ZNRF2: variants seen among roughly 807,000 people sequenced by gnomAD.
ZNRF2 encodes the protein E3 ubiquitin-protein ligase ZNRF2.
In ZNRF2, 16 loss-of-function variants were observed where a neutral mutation model predicts 20.4. The ratio of observed to expected loss-of-function variants is 0.79; its 90% CI spans 0.53 to 1.19. The LOEUF (loss-of-function observed/expected upper bound fraction) is 1.19, where lower values mean the gene tolerates loss of function less well. ZNRF2 is among the 50% of genes most tolerant of loss of function. The pLI is 0.00. For synonymous variants in ZNRF2, 178 were observed against 144.9 expected (o/e 1.23, Z -1.64); for missense variants, 363 against 332.4 (o/e 1.09, Z -0.72).
chr7:30,332,931 T>C (rs1799658119), intron 2 of ZNRF2, among the ~76,000 whole-genome samples: 1 of 152,114 alleles, frequency 6.6e-6, no homozygotes, highest in South Asian at 2.1e-4. Flanking sequence ...GTAGTACTGG[T>C]TTTAGTTTTT....
intron 2 of ZNRF2, among the ~76,000 whole-genome samples, chr7:30,344,491 TAA>T (rs1043671489): frequency 2.3e-4 from 35 of 152,158 alleles, no homozygotes; most frequent in African/African-American, 8.2e-4. Context: ...TTTATACTAT[TAA>T]GTTTTTTTTG....
intron 2 of ZNRF2, among the ~76,000 whole-genome samples, chr7:30,336,771 A>T (rs982598903): frequency 2.0e-5 from 3 of 152,084 alleles, no homozygotes; most frequent in African/African-American, 7.2e-5. Context: ...AAATGTTTTG[A>T]TGTTTTCTGT....
chr7:30,316,288 CAAAAAAAAAAAAAAAAA>C (rs60218988), intron 1 of ZNRF2, among the ~76,000 whole-genome samples: 9 of 27,502 alleles, frequency 3.3e-4, no homozygotes, highest in South Asian at 7.3e-3. Context: ...AACTCCATCT[CAAAAAAAAAAAAAAAAA>C]AAAAAAAAAA....
At chr7:30,350,669 T>G (rs1392575818) in intron 2 of ZNRF2, among the ~76,000 whole-genome samples, 1 of 152,056 alleles carries the variant, frequency 6.6e-6, no homozygotes, top group Non-Finnish European at 1.5e-5. Context: ...TGAAAGTATT[T>G]ATTATTAAAA....
intron 1 of ZNRF2, among the ~76,000 whole-genome samples, chr7:30,312,614 G>A (rs1799308870): frequency 6.6e-6 from 1 of 152,176 alleles, no homozygotes; most frequent in African/African-American, 2.4e-5. Flanking sequence ...CGTTGACATA[G>A]TTCTATGAAG....
rs1161510140 is a variant in ZNRF2 at position 30,295,014 on chromosome 7, GGAGAGA to G, written c.469+9220_469+9225del. On this transcript the variant is annotated intron_variant, in intron 1 of 4. Coordinates refer to ENST00000323037, the MANE Select transcript of ZNRF2 (RefSeq NM_147128.4). ...GGGACAGAGAGAGAGAGGGAGGGAA[GGAGAGA>G]GAGAGAGAGAGAGAGAGAGAGAGAG... is the stretch of plus-strand genomic sequence containing the variant. Among the ~76,000 whole-genome samples the G allele has an allele frequency of 5.7e-3, 143 of 25,202 alleles. 2 individuals are homozygous for G. Among genetic ancestry groups the G allele is most frequent in the Non-Finnish European group, 9.3e-3 (107 of 11,448 alleles). 16.5% of individuals were successfully genotyped at this position (25,202 alleles called of 152,430 possible).
intron 1 of ZNRF2, among the ~76,000 whole-genome samples, chr7:30,289,406 T>C (rs978897419): frequency 1.3e-5 from 2 of 152,252 alleles, no homozygotes; most frequent in Non-Finnish European, 2.9e-5. Flanking sequence ...AGTTATCACT[T>C]CTTACCAATA....
In ZNRF2 at chr7:30,285,681, C is replaced by A; in HGVS notation, c.324C>A (p.Ser108Arg). The A allele has an allele frequency of 6.9e-7, 1 of 1,450,826 alleles. No individual in the cohort carries two copies. The highest frequency in any genetic ancestry group is 9.0e-7 in the Non-Finnish European group (1 of 1,107,866). 89.9% of individuals were successfully genotyped at this position (1,450,826 alleles called of 1,614,324 possible). ...CCTTCAGCATCCCGAACAGCAGCAGCGGCCCGTACGGCTCGCAGGACTCGG... is the reference window on the plus strand; with the variant it reads ...CCTTCAGCATCCCGAACAGCAGCAGAGGCCCGTACGGCTCGCAGGACTCGG... ...QSPFSIPNSS[S>R]GPYGSQDSVH... Residue 108 changes from serine to arginine, a missense_variant, in exon 1 of 5, where the codon AGC becomes AGA. Ser to Arg is a moderately radical substitution (Grantham distance 110). Around this residue, in one of 2 missense-constraint regions of ZNRF2, gnomAD observed 302 missense variants for 231.5 expected, o/e 1.30. Coordinates refer to ENST00000323037, the MANE Select transcript of ZNRF2 (RefSeq NM_147128.4).
At chr7:30,363,365 C>T (rs1800158756) in intron 4 of ZNRF2, among the ~76,000 whole-genome samples, 1 of 152,196 alleles carries the variant, frequency 6.6e-6, no homozygotes, top group South Asian at 2.1e-4. Flanking sequence ...AGTACCATTA[C>T]TGTTCCTATT....
rs528059365 is a variant in ZNRF2, at chr7:30,325,293, A to G, written c.565+1556A>G. On this transcript the variant is annotated intron_variant, in intron 2 of 4. Transcript: ENST00000323037. ...TTGGCCTGAAATAAAATGTGTAGAAAGGGTACCAGTAAACACTATAGCCAA... is the reference window on the plus strand; with the variant it reads ...TTGGCCTGAAATAAAATGTGTAGAAGGGGTACCAGTAAACACTATAGCCAA... Among the ~76,000 whole-genome samples, 25 of 152,328 alleles carry G rather than the reference A, an allele frequency of 1.6e-4. No homozygotes were observed. The South Asian group carries it at 4.1e-3, about 25-fold the overall frequency.
At chr7:30,293,068 C>G (rs906928625) in intron 1 of ZNRF2, among the ~76,000 whole-genome samples, 2 of 151,944 alleles carry the variant, frequency 1.3e-5, no homozygotes, top group African/African-American at 4.8e-5. Flanking sequence ...TAAGCAGTGG[C>G]CAGATTCTGC....
chr7:30,295,048 A>AGTGTGT (rs1562603702), intron 1 of ZNRF2, among the ~76,000 whole-genome samples: 211 of 79,056 alleles, frequency 2.7e-3, no homozygotes, highest in Non-Finnish European at 3.9e-3. Flanking sequence ...AGAGAGAGAG[A>AGTGTGT]GAGTGTGTGT....
intron 1 of ZNRF2, among the ~76,000 whole-genome samples, chr7:30,309,623 T>C (rs975184138): frequency 3.3e-5 from 5 of 152,186 alleles, no homozygotes; most frequent in African/African-American, 1.2e-4. Flanking sequence ...TTATAGTGAA[T>C]TAAGCAGTGA....
chr7:30,335,959 G>T (rs1003442498), intron 2 of ZNRF2, among the ~76,000 whole-genome samples: 12 of 152,112 alleles, frequency 7.9e-5, no homozygotes, highest in African/African-American at 2.7e-4. Context: ...TGCTGGAAAC[G>T]ACTTGAAGGT....
intron 1 of ZNRF2, among the ~76,000 whole-genome samples, chr7:30,317,706 C>G (rs1325223952): frequency 2.0e-5 from 3 of 152,188 alleles, no homozygotes; most frequent in Non-Finnish European, 2.9e-5. Flanking sequence ...AGCTCAAAGC[C>G]TAGGAATCAG....
At chr7:30,299,035 T>C (rs556745975) in intron 1 of ZNRF2, among the ~76,000 whole-genome samples, 1 of 152,350 alleles carries the variant, frequency 6.6e-6, no homozygotes, top group Non-Finnish European at 1.5e-5. Flanking sequence ...TTTAGTAGGA[T>C]GTTTGGACTG....
At position 30,285,254 on chromosome 7, in the gene ZNRF2, G is replaced by C. The variant is rs1370081322; in HGVS notation, c.-104G>C. 5 of 871,036 alleles carry C rather than the reference G, an allele frequency of 5.7e-6. No individual in the cohort carries two copies. The highest frequency in any genetic ancestry group is 5.6e-6 in the Non-Finnish European group (4 of 711,362). The allele number at this position is 871,036 out of a possible 1,614,324, so 54.0% of individuals were successfully genotyped here. A position where few individuals can be genotyped will look rare whatever the true frequency, so the allele number is the denominator to read the frequency against. On this transcript the variant is annotated 5_prime_UTR_variant, in exon 1 of 5. Coordinates refer to ENST00000323037, the MANE Select transcript of ZNRF2 (RefSeq NM_147128.4). ...CCCTGGACGTGCGGGGGCCTCTCTG[G>C]GCCGGCCGCGGCGCCTGGGCCCTGC...
chr7:30,304,353 G>T (rs961043357), intron 1 of ZNRF2, among the ~76,000 whole-genome samples: 2 of 152,208 alleles, frequency 1.3e-5, no homozygotes, highest in East Asian at 3.8e-4. Context: ...GATTTTGCCA[G>T]ATTGCTTTCT....
intron 1 of ZNRF2, among the ~76,000 whole-genome samples, chr7:30,306,008 T>C (rs1392027156): frequency 6.6e-6 from 1 of 152,184 alleles, no homozygotes; most frequent in Non-Finnish European, 1.5e-5. Flanking sequence ...CCTTTGGGGC[T>C]TTGGCCCAGT....
Sources: allele counts gnomAD v4.1 joint callset (sites outside exome capture counted in the v4.1 genomes callset), GRCh38; gene constraint gnomAD v4.1.1; regional missense constraint gnomAD v4.1.1; transcripts MANE v1.5; gene names NCBI Gene and HGNC (gene_info 2026-07-23, HGNC 2026-07-21).